Variants in UBXN4 observed in about 807,000 individuals in gnomAD.
UBXN4 encodes UBX domain protein 4.
In UBXN4, 35 loss-of-function variants were observed where a neutral mutation model predicts 66.2. That is an observed-to-expected ratio of 0.53 (90% CI 0.40 to 0.70). UBXN4 has a LOEUF of 0.70. Ranked by LOEUF, UBXN4 falls within the 30% of genes least tolerant of loss-of-function variation. UBXN4 has a pLI of 0.00. For synonymous variants in UBXN4, 203 were observed against 204.5 expected (o/e 0.99, Z 0.06); for missense variants, 533 against 599.8 (o/e 0.89, Z 1.16).
intron 10 of UBXN4, among the ~76,000 whole-genome samples, chr2:135,778,186 A>C (rs930970230): frequency 6.7e-6 from 1 of 149,306 alleles, no homozygotes; most frequent in African/African-American, 2.4e-5. Context: ...AAAAAAAAAA[A>C]AACAAAAAAA....
At chr2:135,742,073 T>C in intron 1 of UBXN4, 62 bp downstream of exon 1, 1 of 1,567,466 alleles carries the variant, frequency 6.4e-7, no homozygotes, top group Non-Finnish European at 8.7e-7. Flanking sequence ...TTCATCCTCT[T>C]GTATACCTCA....
chr2:135,756,452 A>G (rs1463132347), intron 5 of UBXN4, among the ~76,000 whole-genome samples: 1 of 152,184 alleles, frequency 6.6e-6, no homozygotes, highest in Non-Finnish European at 1.5e-5. Flanking sequence ...CTGAAATTTG[A>G]TGCCCCATAA....
At chr2:135,780,801 AACC>A (rs2077444802) in intron 12 of UBXN4, among the ~76,000 whole-genome samples, 1 of 152,198 alleles carries the variant, frequency 6.6e-6, no homozygotes, top group Non-Finnish European at 1.5e-5. Flanking sequence ...TGATCATTTT[AACC>A]CTGTTGGTTC....
In UBXN4 at chr2:135,772,434, A is replaced by G; in HGVS notation, c.837A>G (p.Arg279=). ...ATGTTTTAAAGGACCGTGCAGAGAGAGCTGCTCGTTTTGCAAAGACAAAGG... is the reference window on the plus strand; with the variant it reads ...ATGTTTTAAAGGACCGTGCAGAGAGGGCTGCTCGTTTTGCAAAGACAAAGG... ...KQQIALDRAE[R]AARFAKTKEE... The change falls in exon 9 of 13, where the codon AGA becomes AGG. Residue 279 remains arginine (R), a synonymous_variant. Coordinates refer to ENST00000272638, the MANE Select transcript of UBXN4 (RefSeq NM_014607.4). The G allele has an allele frequency of 6.2e-7, 1 of 1,614,060 alleles. No homozygotes were observed. The highest frequency in any genetic ancestry group is 1.7e-5 in the Admixed American group (1 of 60,024).
At chr2:135,760,657 A>G (rs937478743) in intron 5 of UBXN4, among the ~76,000 whole-genome samples, 3 of 152,176 alleles carry the variant, frequency 2.0e-5, no homozygotes, top group Non-Finnish European at 4.4e-5. Flanking sequence ...TGCTGATAAT[A>G]AGACATGTCC....
intron 6 of UBXN4, among the ~76,000 whole-genome samples, chr2:135,768,198 T>A (rs1428768649): frequency 1.3e-5 from 2 of 152,176 alleles, no homozygotes; most frequent in Non-Finnish European, 2.9e-5. Context: ...TTTTATTTTT[T>A]AAATTTTTTT....
chr2:135,759,626 A>G (rs1001515827), intron 5 of UBXN4, among the ~76,000 whole-genome samples: 1 of 152,140 alleles, frequency 6.6e-6, no homozygotes, highest in Non-Finnish European at 1.5e-5. Flanking sequence ...ATGATGATGT[A>G]TATTTCTCTC....
chr2:135,747,682 T>A (rs1225545399), intron 1 of UBXN4: 1 of 456,410 alleles, frequency 2.2e-6, no homozygotes, highest in Admixed American at 2.3e-5. Flanking sequence ...TCACCCAGGC[T>A]GGAGTGCAGT....
At chr2:135,754,319 A>C (rs976308237) in intron 4 of UBXN4, 42 bp downstream of exon 4, 2 of 1,515,110 alleles carry the variant, frequency 1.3e-6, no homozygotes, top group Non-Finnish European at 1.8e-6. Flanking sequence ...ATGGTACGTC[A>C]GGAATTGGAT....
At position 135,780,201 on chromosome 2, in the gene UBXN4, T is replaced by C. The variant is rs770703087; in HGVS notation, c.1204T>C (p.Ser402Pro). Residue 402 changes from serine to proline, a missense_variant, in exon 12 of 13, where the codon TCC becomes CCC. Coordinates refer to ENST00000272638, the MANE Select transcript of UBXN4 (RefSeq NM_014607.4). The part of the protein sequence containing the change: ...VLLPAGRPTA[S>P]IVHSSSGDIW... The stretch of plus-strand genomic sequence containing the variant: ...TTTCTAGGCAGGAAGACCAACTGCA[T>C]CCATTGTACACTCTTCCAGCGGAGA... 6.2e-7 allele frequency: 1 copy of C among 1,614,054 alleles called. No individual in the cohort carries two copies. The highest frequency in any genetic ancestry group is 8.5e-7 in the Non-Finnish European group (1 of 1,179,998).
rs1013029773 is a variant in UBXN4, at chr2:135,759,624, G to A, written c.509-2194G>A. On this transcript the variant is annotated intron_variant, in intron 5 of 12. Transcript: ENST00000272638. ...ACAAGACTACTTTGTAGATGATGATGTATATTTCTCTCAGGAGATACATTA... is the reference window on the plus strand; with the variant it reads ...ACAAGACTACTTTGTAGATGATGATATATATTTCTCTCAGGAGATACATTA... 2.0e-5 allele frequency among the ~76,000 whole-genome samples: 3 copies of A among 152,194 alleles called. No individual in the cohort carries two copies. In the East Asian group the frequency reaches 5.8e-4, roughly 29 times the overall value.
chr2:135,782,918 T>G lies in UBXN4; in HGVS notation c.*31T>G. On this transcript the variant is annotated 3_prime_UTR_variant, in exon 13 of 13. Coordinates refer to ENST00000272638, the MANE Select transcript of UBXN4 (RefSeq NM_014607.4). ...CAAGTATAATATGTGCAATAATCATTGTTTCTCTTATGATTTAATTCAACT... is the reference window on the plus strand; with the variant it reads ...CAAGTATAATATGTGCAATAATCATGGTTTCTCTTATGATTTAATTCAACT... 1 of 1,577,896 alleles carries G rather than the reference T, an allele frequency of 6.3e-7. No individual in the cohort carries two copies. The highest frequency in any genetic ancestry group is 1.8e-4 in the Middle Eastern group (1 of 5,700).
chr2:135,759,983 G>T (rs913500162), intron 5 of UBXN4, among the ~76,000 whole-genome samples: 1 of 151,928 alleles, frequency 6.6e-6, no homozygotes, highest in Non-Finnish European at 1.5e-5. Context: ...GGCCAGACTG[G>T]TCTCAAACTC....
intron 12 of UBXN4, among the ~76,000 whole-genome samples, 180 bp downstream of exon 12, chr2:135,780,565 TG>T (rs559584757): frequency 7.2e-4 from 109 of 152,364 alleles, no homozygotes; most frequent in African/African-American, 2.5e-3. Context: ...GCTCACTACC[TG>T]CGTTTTCTCA....
At chr2:135,752,964 C>G (rs950321753) in intron 2 of UBXN4, among the ~76,000 whole-genome samples, 25 of 150,510 alleles carry the variant, frequency 1.7e-4, no homozygotes, top group African/African-American at 5.9e-4. Context: ...GTGATTCACC[C>G]GCCTTGGCCT....
rs752932689 is a variant in UBXN4, at chr2:135,754,289, C to A, written c.333+12C>A. On this transcript the variant is annotated intron_variant, in intron 4 of 12. Transcript: ENST00000272638. Reference sequence around the variant, plus strand: ...ACAAGGTCCGACAGGTAAGAAGGAACAGAACTGTTGTTTCCGTAAATGGTA... The same window carrying A: ...ACAAGGTCCGACAGGTAAGAAGGAAAAGAACTGTTGTTTCCGTAAATGGTA... 56 of 1,591,202 alleles carry A rather than the reference C, an allele frequency of 3.5e-5. No individual in the cohort carries two copies. Among genetic ancestry groups the A allele is most frequent in the Middle Eastern group, 3.3e-4 (2 of 6,002 alleles).
At chr2:135,763,940 C>T (rs559032732) in intron 6 of UBXN4, among the ~76,000 whole-genome samples, 21 of 152,142 alleles carry the variant, frequency 1.4e-4, no homozygotes, top group Admixed American at 9.8e-4. Flanking sequence ...GCCTGGCCAA[C>T]GTGGCGAAAC....
intron 11 of UBXN4, among the ~76,000 whole-genome samples, chr2:135,779,943 TAC>T (rs1337849987): frequency 1.4e-5 from 2 of 147,308 alleles, no homozygotes; most frequent in East Asian, 3.9e-4. Context: ...TATACAATTA[TAC>T]AGTTATTATA....
At chr2:135,778,686 CAATT>C (rs1475678683) in intron 10 of UBXN4, among the ~76,000 whole-genome samples, 1 of 152,164 alleles carries the variant, frequency 6.6e-6, no homozygotes, top group Non-Finnish European at 1.5e-5. Flanking sequence ...CATTTTTACT[CAATT>C]TATTTGTGTG....
Sources: gnomAD v4.1 joint callset for allele counts (sites outside exome capture counted in the v4.1 genomes callset) on GRCh38, gnomAD v4.1.1 for gene constraint, MANE v1.5 for transcripts, NCBI Gene and HGNC (gene_info 2026-07-23, HGNC 2026-07-21) for gene names.